The following KHDRBS2 variants were observed in gnomAD, a reference collection of about 807,000 sequenced individuals.
The protein encoded by KHDRBS2 is KH domain-containing, RNA-binding, signal transduction-associated protein 2.
A neutral mutation model predicts 44.3 loss-of-function variants in KHDRBS2; 26 were observed. The ratio of observed to expected loss-of-function variants is 0.59; its 90% CI spans 0.43 to 0.81. The LOEUF is 0.81. KHDRBS2 is among the 40% of genes least tolerant of loss of function. The probability of loss-of-function intolerance (pLI) is 0.00; values close to 1 mark genes in which losing one functional copy is unlikely to be tolerated. For synonymous variants in KHDRBS2, 194 were observed against 151.1 expected (o/e 1.28, Z -2.08); for missense variants, 476 against 433.1 (o/e 1.10, Z -0.88).
At chr6:62,126,359 T>A (rs1808967789) in intron 2 of KHDRBS2, among the ~76,000 whole-genome samples, 1 of 152,196 alleles carries the variant, frequency 6.6e-6, no homozygotes, top group Admixed American at 6.5e-5. Flanking sequence ...TTTCTAAGGT[T>A]TCCAATTCTA....
chr6:61,943,004 AAGAGAG>A (rs60408267), intron 4 of KHDRBS2, among the ~76,000 whole-genome samples: 2 of 142,880 alleles, frequency 1.4e-5, no homozygotes, highest in Non-Finnish European at 3.0e-5. Flanking sequence ...GAAAGAAAGA[AAGAGAG>A]AGAGAGAGAA....
At chr6:62,012,221 T>A (rs116839640) in intron 3 of KHDRBS2, among the ~76,000 whole-genome samples, 2,517 of 152,268 alleles carry the variant, frequency 0.017, 59 homozygotes, top group African/African-American at 0.057. Context: ...TCACTCTTCC[T>A]CATTAACTAT....
At chr6:61,885,642 TCTAA>T (rs1472722922) in intron 6 of KHDRBS2, among the ~76,000 whole-genome samples, 3 of 152,120 alleles carry the variant, frequency 2.0e-5, no homozygotes, top group Non-Finnish European at 4.4e-5. Context: ...TAAATGAATT[TCTAA>T]CTAACTATTC....
the KHDRBS2 span, among the ~76,000 whole-genome samples, chr6:61,608,927 G>A: frequency 6.6e-6 from 1 of 152,192 alleles, no homozygotes; most frequent in Non-Finnish European, 1.5e-5. Flanking sequence ...ATAGTAGAAT[G>A]ATTTATAATC....
the KHDRBS2 span, among the ~76,000 whole-genome samples, chr6:61,669,828 T>C: frequency 9.6e-4 from 145 of 151,222 alleles, 1 homozygote; most frequent in Middle Eastern, 0.027. Context: ...ATTAGTTCCA[T>C]AGTACATGAT....
the KHDRBS2 span, among the ~76,000 whole-genome samples, chr6:61,658,119 C>T: frequency 6.6e-6 from 1 of 151,766 alleles, no homozygotes; most frequent in South Asian, 2.1e-4. Flanking sequence ...ATAAATCCTG[C>T]CCTTTGGTAG....
At chr6:61,605,562 T>G in the KHDRBS2 span, among the ~76,000 whole-genome samples, 2 of 151,946 alleles carry the variant, frequency 1.3e-5, no homozygotes, top group African/African-American at 2.4e-5. Flanking sequence ...TTAATTCATA[T>G]AAAACCATAT....
At chr6:61,566,338 G>T in the KHDRBS2 span, among the ~76,000 whole-genome samples, 8 of 151,990 alleles carry the variant, frequency 5.3e-5, no homozygotes, top group Non-Finnish European at 4.4e-5. Flanking sequence ...CAATAGGAAT[G>T]ATTATAGTTA....
intron 3 of KHDRBS2, among the ~76,000 whole-genome samples, chr6:62,031,791 TGGGGCCTGG>T (rs1784380254): frequency 1.3e-5 from 2 of 152,014 alleles, no homozygotes; most frequent in South Asian, 4.2e-4. Flanking sequence ...TGCACCCACT[TGGGGCCTGG>T]GGGTCATCAC....
chr6:61,961,354 G>A lies in KHDRBS2; in HGVS notation c.483+16712C>T, dbSNP rs1768665415. On this transcript the variant is annotated intron_variant, in intron 4 of 8. Transcript: ENST00000281156. ...AAGCTTCTTGTAAGGTGGTTTAGAA[G>A]GTGATGAGTGTGAAAGAAGGAAAGA... 2.7e-5 allele frequency among the ~76,000 whole-genome samples: 4 copies of A among 150,410 alleles called. No homozygotes were observed. In the Admixed American group the frequency reaches 2.7e-4, roughly 10 times the overall value.
chr6:61,794,166 T>C (rs574934122), intron 6 of KHDRBS2, among the ~76,000 whole-genome samples: 2 of 152,152 alleles, frequency 1.3e-5, no homozygotes, highest in Non-Finnish European at 2.9e-5. Flanking sequence ...TAATAAAAGC[T>C]CAATTTACTG....
intron 3 of KHDRBS2, among the ~76,000 whole-genome samples, chr6:62,038,412 T>C (rs757647349): frequency 2.0e-5 from 3 of 151,998 alleles, no homozygotes; most frequent in East Asian, 3.9e-4. Context: ...TTAACAATGA[T>C]TGTGAAGAGC....
At chr6:61,821,593 CTT>C (rs1428820227) in intron 6 of KHDRBS2, among the ~76,000 whole-genome samples, 2 of 152,094 alleles carry the variant, frequency 1.3e-5, no homozygotes. Context: ...CAAGCAGACT[CTT>C]TCTATCTTTC....
At chr6:62,220,475 T>C (rs2150151831) in intron 1 of KHDRBS2, among the ~76,000 whole-genome samples, 1 of 152,012 alleles carries the variant, frequency 6.6e-6, no homozygotes. Flanking sequence ...TGCAAGTATG[T>C]ATAGCAAATG....
intron 7 of KHDRBS2, among the ~76,000 whole-genome samples, chr6:61,726,616 T>A (rs909685123): frequency 3.3e-5 from 5 of 152,146 alleles, no homozygotes; most frequent in African/African-American, 1.2e-4. Flanking sequence ...CTAGCATTCC[T>A]ATACATCAAC....
At chr6:62,019,648 TTAAA>T (rs1334795147) in intron 3 of KHDRBS2, among the ~76,000 whole-genome samples, 1 of 152,132 alleles carries the variant, frequency 6.6e-6, no homozygotes, top group Admixed American at 6.5e-5. Flanking sequence ...CTATTTCTTC[TTAAA>T]TAAACTTTGA....
intron 6 of KHDRBS2, among the ~76,000 whole-genome samples, chr6:61,815,245 T>A (rs1192441575): frequency 1.3e-5 from 2 of 152,196 alleles, no homozygotes; most frequent in South Asian, 2.1e-4. Context: ...GAAGGGATGA[T>A]TCATGTCCCA....
At chr6:62,146,511 A>G (rs1325973153) in intron 2 of KHDRBS2, among the ~76,000 whole-genome samples, 1 of 151,894 alleles carries the variant, frequency 6.6e-6, no homozygotes, top group South Asian at 2.1e-4. Context: ...ATACTTGTCA[A>G]TTTGGAAGGA....
intron 4 of KHDRBS2, among the ~76,000 whole-genome samples, chr6:61,938,170 C>G (rs1217682806): frequency 1.3e-5 from 2 of 152,064 alleles, no homozygotes; most frequent in Non-Finnish European, 2.9e-5. Flanking sequence ...GGTTTACAAT[C>G]TGTTGGTGGT....
Sources: allele counts gnomAD v4.1 joint callset (sites outside exome capture counted in the v4.1 genomes callset), GRCh38; gene constraint gnomAD v4.1.1; transcripts MANE v1.5; gene names NCBI Gene and HGNC (gene_info 2026-07-23, HGNC 2026-07-21).